The following NXN variants were observed in gnomAD, a reference collection of about 807,000 sequenced individuals.
NXN encodes the protein nucleoredoxin, also known as nucleoredoxin 1.
Under a neutral mutation model 48.6 loss-of-function variants are expected in NXN, and 16 were observed. The ratio of observed to expected loss-of-function variants is 0.33; its 90% CI spans 0.22 to 0.50. NXN has a LOEUF of 0.50. Among genes scored for constraint, NXN ranks in the 20% least tolerant of loss-of-function variants. The pLI is 0.98. For synonymous variants in NXN, 281 were observed against 269.6 expected (o/e 1.04, Z -0.41); for missense variants, 492 against 605.5 (o/e 0.81, Z 1.97).
intron 7 of NXN, 76 bp from the exon 8 acceptor site, chr17:801,207 C>A (rs1044912764): frequency 4.1e-6 from 5 of 1,232,562 alleles, no homozygotes; most frequent in Non-Finnish European, 5.4e-6. Flanking sequence ...GCCCAGTCTC[C>A]CCAGGTGTGG....
Position 958,452 on chromosome 17 carries a change from G to A in NXN, c.360+20867C>T, listed in dbSNP as rs182287606. ...GCTTGAGGCCAGGCGTTCAAAACCA[G>A]CCCGGGCAACATAGCAGGACTCCAA... On this transcript the variant is annotated intron_variant, in intron 1 of 7. Transcript: ENST00000336868. This position sits in a 1 kb window ranked among gnomAD's most constrained non-coding sequence, Gnocchi z 6.9. Among the ~76,000 whole-genome samples, 5 of 151,806 alleles carry A rather than the reference G, an allele frequency of 3.3e-5. No individual in the cohort carries two copies. Among genetic ancestry groups the A allele is most frequent in the African/African-American group, 9.7e-5 (4 of 41,390 alleles).
chr17:976,581 A>C (rs920856366), intron 1 of NXN, among the ~76,000 whole-genome samples: 4 of 152,164 alleles, frequency 2.6e-5, no homozygotes, highest in Non-Finnish European at 5.9e-5. Flanking sequence ...GAGTCCATCC[A>C]CAAGACGTGT....
chr17:959,140 G>A (rs2069205862), intron 1 of NXN: 3 of 498,694 alleles, frequency 6.0e-6, no homozygotes, highest in Admixed American at 4.2e-5. Flanking sequence ...CCAGCAACAA[G>A]AGCCGAGCGC....
chr17:830,875 C>T lies in NXN; in HGVS notation c.361-4797G>A, dbSNP rs1263036132. Among the ~76,000 whole-genome samples the T allele has an allele frequency of 6.6e-6, 1 of 152,012 alleles. No homozygotes were observed. The highest frequency in any genetic ancestry group is 1.5e-5 in the Non-Finnish European group (1 of 68,014). ...ATTAACCAGGCATGGTGGCAGGCAC[C>T]TGTAATCCCAGCTACTCAGAGGGCT... On this transcript the variant is annotated intron_variant, in intron 1 of 7. Transcript: ENST00000336868. The surrounding 1 kb of genome is among the most constrained non-coding windows in gnomAD (Gnocchi z 4.2).
chr17:928,148 C>T (rs1385859220), intron 1 of NXN, among the ~76,000 whole-genome samples: 1 of 152,150 alleles, frequency 6.6e-6, no homozygotes, highest in Admixed American at 6.6e-5. Flanking sequence ...GCATGCGTCA[C>T]TAGGAAAGCT....
chr17:819,212 G>A, intron 5 of NXN: 1 of 532,034 alleles, frequency 1.9e-6, no homozygotes. Context: ...CTCCCAAAGT[G>A]CTGGGGTTAC....
At chr17:888,402 G>A (rs1436757864) in intron 1 of NXN, among the ~76,000 whole-genome samples, 2 of 151,928 alleles carry the variant, frequency 1.3e-5, no homozygotes, top group Non-Finnish European at 2.9e-5. Context: ...AAATCATTCT[G>A]TAGAGATGGG....
At chr17:874,463 C>T in intron 1 of NXN, among the ~76,000 whole-genome samples, 1 of 152,174 alleles carries the variant, frequency 6.6e-6, no homozygotes, top group Admixed American at 6.5e-5. Flanking sequence ...AGGCACCTGT[C>T]ATCCCAGCTA....
rs146817876 is a variant in NXN at position 819,536 on chromosome 17, C to T, written c.723G>A (p.Glu241=). Residue 241 remains glutamate, a synonymous_variant, in exon 5 of 8, where the codon GAG becomes GAA. Transcript: ENST00000336868. ...IIFVSADRSE[E]SFKQYFSEMP... ...TCTCACTGAAGTACTGTTTGAAGGACTCCTCCGACCTACAGAGAGACACAC... is the reference window on the plus strand; with the variant it reads ...TCTCACTGAAGTACTGTTTGAAGGATTCCTCCGACCTACAGAGAGACACAC... 2 of 1,598,708 alleles carry T rather than the reference C, an allele frequency of 1.3e-6. No individual in the cohort carries two copies. Among genetic ancestry groups the T allele is most frequent in the African/African-American group, 1.3e-5 (1 of 74,554 alleles).
intron 1 of NXN, among the ~76,000 whole-genome samples, chr17:848,490 TA>T (rs1214531952): frequency 6.6e-6 from 1 of 152,212 alleles, no homozygotes; most frequent in African/African-American, 2.4e-5. Context: ...GAGCAGGATT[TA>T]AAAAATAGTA....
Position 825,335 on chromosome 17 carries a change from G to A in NXN, c.478+626C>T, listed in dbSNP as rs1488206472. On this transcript the variant is annotated intron_variant, in intron 2 of 7. Coordinates refer to ENST00000336868, the MANE Select transcript of NXN (RefSeq NM_022463.5). This position sits in a 1 kb window ranked among gnomAD's most constrained non-coding sequence, Gnocchi z 4.1. ...TTTTACTGGGAAAATGTGTGAGCGG[G>A]GTTGAATCTTCTCACTGGACGGATT... Among the ~76,000 whole-genome samples the A allele has an allele frequency of 6.6e-6, 1 of 152,198 alleles. No homozygotes were observed. The highest frequency in any genetic ancestry group is 2.4e-5 in the African/African-American group (1 of 41,460).
At chr17:943,938 A>G (rs1478726226) in intron 1 of NXN, among the ~76,000 whole-genome samples, 1 of 151,540 alleles carries the variant, frequency 6.6e-6, no homozygotes, top group Non-Finnish European at 1.5e-5. Context: ...TTCTCCTAAA[A>G]AAAAAATAAC....
intron 1 of NXN, among the ~76,000 whole-genome samples, chr17:831,354 C>CA (rs1263320185): frequency 2.0e-5 from 3 of 152,062 alleles, no homozygotes; most frequent in African/African-American, 7.2e-5. Context: ...AGGTTATATG[C>CA]AAAAACTATG....
At chr17:966,369 T>TG (rs1030920220) in intron 1 of NXN, among the ~76,000 whole-genome samples, 5 of 151,988 alleles carry the variant, frequency 3.3e-5, no homozygotes, top group East Asian at 1.9e-4. Context: ...TCTTTTGAGA[T>TG]GGAGTTTCGC....
At chr17:947,913 T>C (rs1597266308) in intron 1 of NXN, among the ~76,000 whole-genome samples, 3 of 143,948 alleles carry the variant, frequency 2.1e-5, no homozygotes, top group Admixed American at 7.0e-5. Flanking sequence ...TAGCTGGATG[T>C]GGCAGCGTGC....
chr17:829,934 G>A (rs553972648), intron 1 of NXN, among the ~76,000 whole-genome samples: 8 of 152,264 alleles, frequency 5.3e-5, no homozygotes, highest in African/African-American at 1.4e-4. Context: ...ATAAACATAC[G>A]TGTGCATGTG....
chr17:977,310 G>C (rs1038838083), intron 1 of NXN, among the ~76,000 whole-genome samples: 3 of 152,218 alleles, frequency 2.0e-5, no homozygotes, highest in African/African-American at 4.8e-5. Flanking sequence ...TAACGCACCA[G>C]GGTTTGGGCA....
At chr17:833,997 C>T (rs550998485) in intron 1 of NXN, among the ~76,000 whole-genome samples, 1 of 152,336 alleles carries the variant, frequency 6.6e-6, no homozygotes, top group East Asian at 1.9e-4. Context: ...CCACCCAGGA[C>T]TGAGAGAACT....
At position 799,332 on chromosome 17, in the gene NXN, G is replaced by A. The variant is rs971179547; in HGVS notation, c.*1617C>T. 6.6e-6 allele frequency: 1 copy of A among 152,322 alleles called. No individual in the cohort carries two copies. Among genetic ancestry groups the A allele is most frequent in the Non-Finnish European group, 1.5e-5 (1 of 68,122 alleles). 9.4% of individuals were successfully genotyped at this position (152,322 alleles called of 1,614,324 possible). ...AACTTTTGTGATCAAGGACAGCAGAGGCCCAGGGTGGATGAGGTCCAGAGA... is the reference window on the plus strand; with the variant it reads ...AACTTTTGTGATCAAGGACAGCAGAAGCCCAGGGTGGATGAGGTCCAGAGA... On this transcript the variant is annotated 3_prime_UTR_variant, in exon 8 of 8. Coordinates refer to ENST00000336868, the MANE Select transcript of NXN (RefSeq NM_022463.5).
Sources: allele counts gnomAD v4.1 joint callset (sites outside exome capture counted in the v4.1 genomes callset), GRCh38; gene constraint gnomAD v4.1.1; non-coding constraint Gnocchi (gnomAD v3.1); transcripts MANE v1.5; gene names NCBI Gene and HGNC (gene_info 2026-07-23, HGNC 2026-07-21).